Variants in FHIT observed in about 807,000 individuals in gnomAD.
The protein encoded by FHIT is bis(5'-adenosyl)-triphosphatase.
In FHIT, 19 loss-of-function variants were observed where a neutral mutation model predicts 17.9. The ratio of observed to expected loss-of-function variants is 1.06; its 90% CI spans 0.74 to 1.56. The LOEUF is 1.56. Ranked by LOEUF, FHIT falls within the 40% of genes most tolerant of loss-of-function variation. The pLI, the probability that FHIT is intolerant of heterozygous loss-of-function variation, is 0.00. For synonymous variants in FHIT, 81 were observed against 69.7 expected (o/e 1.16, Z -0.81); for missense variants, 248 against 189.2 (o/e 1.31, Z -1.82).
intron 5 of FHIT, among the ~76,000 whole-genome samples, chr3:60,247,107 T>A (rs1438553991): frequency 6.6e-6 from 1 of 152,124 alleles, no homozygotes; most frequent in East Asian, 1.9e-4. Flanking sequence ...GTAACAAATG[T>A]GACACTCTGA....
chr3:61,127,778 G>A (rs374425751), intron 2 of FHIT, among the ~76,000 whole-genome samples: 1 of 152,060 alleles, frequency 6.6e-6, no homozygotes, highest in Non-Finnish European at 1.5e-5. Context: ...GCTGAGACAG[G>A]AGAATCACTT....
chr3:61,088,185 G>A (rs1251788793), intron 2 of FHIT, among the ~76,000 whole-genome samples: 1 of 152,134 alleles, frequency 6.6e-6, no homozygotes, highest in Non-Finnish European at 1.5e-5. Context: ...CCACCTCTGT[G>A]GATCAGGGGA....
At position 60,812,208 on chromosome 3, in the gene FHIT, G is replaced by A. The variant is rs560127541; in HGVS notation, c.-18+9711C>T. On this transcript the variant is annotated intron_variant, in intron 4 of 9. Transcript: ENST00000492590. ...TTTTTTTTTGAGACAGAGTCTGGCT[G>A]TTGTTGCTCAGTGGAGTCATCTTGG... Among the ~76,000 whole-genome samples the A allele has an allele frequency of 8.3e-5, 12 of 143,948 alleles. No individual in the cohort carries two copies. In the Admixed American group the frequency reaches 8.5e-4, roughly 10 times the overall value. The allele number at this position is 143,948 out of a possible 152,430, so 94.4% of individuals were successfully genotyped here.
intron 4 of FHIT, among the ~76,000 whole-genome samples, chr3:60,722,964 G>T (rs2041841506): frequency 6.6e-6 from 1 of 151,972 alleles, no homozygotes; most frequent in African/African-American, 2.4e-5. Flanking sequence ...CAAGTGATTT[G>T]CCCGCCTCGG....
At chr3:60,548,411 G>A (rs1348449697) in intron 4 of FHIT, among the ~76,000 whole-genome samples, 1 of 152,030 alleles carries the variant, frequency 6.6e-6, no homozygotes, top group Non-Finnish European at 1.5e-5. Context: ...CTTTTTGAGA[G>A]CATGAGGGCC....
intron 5 of FHIT, among the ~76,000 whole-genome samples, chr3:60,339,851 T>A (rs1020360458): frequency 1.3e-5 from 2 of 152,182 alleles, no homozygotes; most frequent in Non-Finnish European, 2.9e-5. Context: ...TGCACGCTCA[T>A]TTTTAATGTT....
At chr3:59,827,914 T>C (rs535571549) in intron 8 of FHIT, among the ~76,000 whole-genome samples, 214 of 152,348 alleles carry the variant, frequency 1.4e-3, no homozygotes, top group Middle Eastern at 6.8e-3. Context: ...CATCGTTCTC[T>C]GCAAATTTGA....
chr3:60,317,990 C>T (rs578180854), intron 5 of FHIT, among the ~76,000 whole-genome samples: 1 of 152,122 alleles, frequency 6.6e-6, no homozygotes, highest in East Asian at 1.9e-4. Context: ...CGGGGTTTTG[C>T]CATGTTGGCC....
chr3:60,651,284 A>G (rs551497111), intron 4 of FHIT, among the ~76,000 whole-genome samples: 1 of 152,262 alleles, frequency 6.6e-6, no homozygotes, highest in South Asian at 2.1e-4. Flanking sequence ...GAAGTTTATA[A>G]CAAATTTTGT....
chr3:60,289,643 A>G (rs1306963199), intron 5 of FHIT, among the ~76,000 whole-genome samples: 1 of 152,162 alleles, frequency 6.6e-6, no homozygotes, highest in Non-Finnish European at 1.5e-5. Context: ...CTGTGAACTT[A>G]TTTATATAAC....
At chr3:59,858,236 C>CTTTTTTTTTTT (rs563841299) in intron 8 of FHIT, among the ~76,000 whole-genome samples, 1 of 84,452 alleles carries the variant, frequency 1.2e-5, no homozygotes. Context: ...TTCCCACCTT[C>CTTTTTTTTTTT]TTTTTTTTTT....
chr3:61,205,254 C>T (rs529271073), intron 1 of FHIT, among the ~76,000 whole-genome samples: 2 of 152,116 alleles, frequency 1.3e-5, no homozygotes, highest in South Asian at 2.1e-4. Context: ...CAAGTCTTTG[C>T]TATTGTGAAT....
chr3:59,952,775 T>C (rs1290452123), intron 7 of FHIT, among the ~76,000 whole-genome samples: 1 of 152,058 alleles, frequency 6.6e-6, no homozygotes, highest in Non-Finnish European at 1.5e-5. Flanking sequence ...CAAGTTGGAG[T>C]CCTGGTTAGG....
At chr3:60,732,525 C>T (rs1321953062) in intron 4 of FHIT, 1 of 660,420 alleles carries the variant, frequency 1.5e-6, no homozygotes, top group East Asian at 3.4e-5. Context: ...GCGCTCAGAG[C>T]ACGAAAGTTT....
chr3:60,378,183 T>C (rs555226744), intron 5 of FHIT, among the ~76,000 whole-genome samples: 26 of 151,584 alleles, frequency 1.7e-4, no homozygotes, highest in East Asian at 1.2e-3. Context: ...CCTGCCACTA[T>C]GCCCGGCTAA....
chr3:60,927,628 C>T (rs1305098233), intron 3 of FHIT, among the ~76,000 whole-genome samples: 3 of 151,866 alleles, frequency 2.0e-5, no homozygotes, highest in Non-Finnish European at 4.4e-5. Flanking sequence ...CGCCTCTGCC[C>T]GGCCGCCCTG....
intron 2 of FHIT, among the ~76,000 whole-genome samples, chr3:61,182,329 T>C (rs956438264): frequency 6.6e-5 from 10 of 152,214 alleles, no homozygotes; most frequent in African/African-American, 1.9e-4. Context: ...TACATACTCC[T>C]TTCATGATTT....
intron 5 of FHIT, among the ~76,000 whole-genome samples, chr3:60,460,458 C>T (rs969191959): frequency 6.6e-6 from 1 of 151,788 alleles, no homozygotes. Flanking sequence ...ACCAATATTA[C>T]TTCTTTGGAA....
chr3:60,220,127 C>G (rs532715175), intron 5 of FHIT, among the ~76,000 whole-genome samples: 131 of 152,080 alleles, frequency 8.6e-4, no homozygotes, highest in Admixed American at 2.0e-3. Context: ...AGATGAAAAA[C>G]AATAATAAGG....
Sources: gnomAD v4.1 joint callset for allele counts (sites outside exome capture counted in the v4.1 genomes callset) on GRCh38, gnomAD v4.1.1 for gene constraint, MANE v1.5 for transcripts, NCBI Gene and HGNC (gene_info 2026-07-23, HGNC 2026-07-21) for gene names.